LRRC7: variants seen among roughly 807,000 people sequenced by gnomAD.
LRRC7 encodes the protein leucine rich repeat containing 7.
LRRC7 carries 23 observed loss-of-function variants against 175.7 expected under a neutral mutation model. The ratio of observed to expected loss-of-function variants is 0.13; its 90% confidence interval spans 0.09 to 0.19. The LOEUF is 0.19. Among genes scored for constraint, LRRC7 ranks in the 10% least tolerant of loss-of-function variants. The pLI is 1.00. For synonymous variants in LRRC7, 685 were observed against 680.9 expected, an observed-to-expected ratio of 1.01 and a Z score of -0.09; for missense variants, 1,354 against 1,904.7, an observed-to-expected ratio of 0.71 and a Z score of 5.38.
chr1:70,049,776 C>A (rs1660611468), intron 22 of LRRC7, among the ~76,000 whole-genome samples: 1 of 151,760 alleles, frequency 6.6e-6, no homozygotes, highest in Non-Finnish European at 1.5e-5. Context: ...CTATTTTTTC[C>A]AAAAGATAAG....
intron 4 of LRRC7, among the ~76,000 whole-genome samples, chr1:69,824,565 A>T (rs376590450): frequency 3.3e-5 from 5 of 152,070 alleles, no homozygotes; most frequent in African/African-American, 1.2e-4. Context: ...AACATCGCAA[A>T]CCCCACTTTG....
rs769669096 is a variant in LRRC7, at chr1:70,018,841, T to G, written c.1420+23T>G. 4 of 1,543,388 alleles carry G rather than the reference T, an allele frequency of 2.6e-6. No homozygotes were observed. In the African/African-American group the frequency reaches 4.1e-5, roughly 16 times the overall value. On this transcript the variant is annotated intron_variant, in intron 15 of 26. Transcript: ENST00000651989. Reference sequence around the variant, plus strand: ...AAGGTAAATTGTCAGTAGAAATTTCTTCTCTACTTATAATGATTATGGATA... The same window carrying G: ...AAGGTAAATTGTCAGTAGAAATTTCGTCTCTACTTATAATGATTATGGATA...
intron 4 of LRRC7, among the ~76,000 whole-genome samples, chr1:69,813,078 C>A (rs1678141668): frequency 1.3e-5 from 2 of 152,060 alleles, no homozygotes; most frequent in Non-Finnish European, 2.9e-5. Context: ...TCCCTATCTT[C>A]AAACATCTTT....
chr1:69,645,870 T>G (rs755634059), intron 1 of LRRC7, among the ~76,000 whole-genome samples: 3 of 152,154 alleles, frequency 2.0e-5, no homozygotes, highest in African/African-American at 4.8e-5. Context: ...TGGTATTGAA[T>G]TGATTTTTCT....
At chr1:70,071,638 A>G (rs1264605734) in intron 23 of LRRC7, among the ~76,000 whole-genome samples, 1 of 152,182 alleles carries the variant, frequency 6.6e-6, no homozygotes, top group Non-Finnish European at 1.5e-5. Flanking sequence ...TATCCTTTGG[A>G]GATGATTCTG....
chr1:69,594,242 C>T (rs7520759), intron 1 of LRRC7, among the ~76,000 whole-genome samples: 1,612 of 152,132 alleles, frequency 0.011, 30 homozygotes, highest in African/African-American at 0.035. Flanking sequence ...TTGTGTACGC[C>T]GCTCTTTATC....
At chr1:70,077,304 GT>G (rs1662855394) in intron 24 of LRRC7, among the ~76,000 whole-genome samples, 2 of 152,222 alleles carry the variant, frequency 1.3e-5, no homozygotes, top group Admixed American at 1.3e-4. Flanking sequence ...TAGGTGCATT[GT>G]AAAGATAATC....
intron 23 of LRRC7, among the ~76,000 whole-genome samples, chr1:70,063,597 A>T (rs1241120887): frequency 6.6e-6 from 1 of 152,062 alleles, no homozygotes; most frequent in Non-Finnish European, 1.5e-5. Context: ...TGTCAAAATG[A>T]TAAGATTCCA....
intron 2 of LRRC7, among the ~76,000 whole-genome samples, chr1:69,724,879 A>C (rs1186671211): frequency 6.6e-6 from 1 of 152,108 alleles, no homozygotes; most frequent in African/African-American, 2.4e-5. Context: ...AAATAATTAG[A>C]CATTTATTTG....
intron 1 of LRRC7, among the ~76,000 whole-genome samples, chr1:69,677,409 T>C (rs1376215099): frequency 1.3e-5 from 2 of 151,820 alleles, no homozygotes; most frequent in African/African-American, 4.8e-5. Context: ...TATGAAATAG[T>C]GTCTTCTTTT....
At chr1:70,081,863 A>G (rs1018924048) in intron 24 of LRRC7, among the ~76,000 whole-genome samples, 2 of 152,334 alleles carry the variant, frequency 1.3e-5, no homozygotes, top group South Asian at 2.1e-4. Context: ...GCAAGTATAC[A>G]TGCAAATTAA....
chr1:69,950,670 A>C (rs1649821009), intron 8 of LRRC7, among the ~76,000 whole-genome samples: 2 of 152,136 alleles, frequency 1.3e-5, no homozygotes, highest in African/African-American at 4.8e-5. Context: ...CTAAAATTTT[A>C]ATAGAAACAG....
intron 7 of LRRC7, chr1:69,874,351 T>A (rs1685849878): frequency 6.6e-6 from 1 of 152,186 alleles, no homozygotes; most frequent in South Asian, 2.1e-4. Flanking sequence ...AGGATATATT[T>A]CATATTGAAA....
chr1:69,793,578 C>T (rs999985260), intron 4 of LRRC7, among the ~76,000 whole-genome samples: 1 of 152,010 alleles, frequency 6.6e-6, no homozygotes, highest in African/African-American at 2.4e-5. Flanking sequence ...TCCCAGACCA[C>T]CCTATTTAAA....
chr1:69,719,410 T>G (rs1286941670), intron 2 of LRRC7, among the ~76,000 whole-genome samples: 1 of 151,632 alleles, frequency 6.6e-6, no homozygotes, highest in Non-Finnish European at 1.5e-5. Flanking sequence ...ATCATCTACT[T>G]GCAGAAAATA....
intron 1 of LRRC7, among the ~76,000 whole-genome samples, chr1:69,589,673 C>A (rs1234870892): frequency 4.6e-5 from 7 of 152,166 alleles, no homozygotes; most frequent in Non-Finnish European, 8.8e-5. Context: ...CCACCCTGAA[C>A]TTTTAATCCT....
chr1:69,997,899 G>A (rs1487748693), intron 11 of LRRC7, among the ~76,000 whole-genome samples: 28 of 152,154 alleles, frequency 1.8e-4, no homozygotes, highest in Non-Finnish European at 3.2e-4. Flanking sequence ...TTGGTATCAG[G>A]ATGATGCTGG....
At chr1:70,078,724 G>A (rs1453369203) in intron 24 of LRRC7, among the ~76,000 whole-genome samples, 2 of 151,762 alleles carry the variant, frequency 1.3e-5, no homozygotes, top group East Asian at 3.9e-4. Flanking sequence ...GATCAAATGA[G>A]AACATTGCTA....
intron 1 of LRRC7, among the ~76,000 whole-genome samples, chr1:69,615,300 G>A (rs79305693): frequency 0.091 from 13,878 of 151,858 alleles, 1,075 homozygotes; most frequent in African/African-American, 0.21. Context: ...AGCTAGGGTC[G>A]GGTTTGCAAC....
Sources: gnomAD v4.1 joint callset for allele counts (sites outside exome capture counted in the v4.1 genomes callset) on GRCh38, gnomAD v4.1.1 for gene constraint, MANE v1.5 for transcripts, NCBI Gene and HGNC (gene_info 2026-07-23, HGNC 2026-07-21) for gene names.